The following ANKFN1 variants were observed in gnomAD, a reference collection of about 807,000 sequenced individuals.
The protein encoded by ANKFN1 is ankyrin repeat and fibronectin type III domain containing 1.
ANKFN1 carries 74 observed loss-of-function variants against 108.7 expected under a neutral mutation model. The ratio of observed to expected loss-of-function variants is 0.68; its 90% CI spans 0.56 to 0.83. The LOEUF (loss-of-function observed/expected upper bound fraction) is 0.83. ANKFN1 is among the 40% of genes least tolerant of loss of function. The pLI is 0.00. For synonymous variants in ANKFN1, 547 were observed against 516.2 expected (o/e 1.06, Z -0.81); for missense variants, 1,505 against 1,382.3 (o/e 1.09, Z -1.41).
At chr17:56,422,392 C>A (rs1031754895) in intron 8 of ANKFN1, among the ~76,000 whole-genome samples, 4 of 151,704 alleles carry the variant, frequency 2.6e-5, no homozygotes, top group Non-Finnish European at 4.4e-5. Flanking sequence ...CTTCATTCTC[C>A]AGTCCCAGGC....
At position 56,163,945 on chromosome 17, in the gene ANKFN1, G is replaced by A. The variant is rs540136814; in HGVS notation, c.-71+10415G>A. Among the ~76,000 whole-genome samples the A allele has an allele frequency of 2.6e-5, 4 of 152,244 alleles. No individual in the cohort carries two copies. In the South Asian group the frequency reaches 8.3e-4, roughly 32 times the overall value. Reference sequence around the variant, plus strand: ...AGGCGTAATGTGATGTGTTTTGTGTGGTGTGTGTATTTTGGTGTTTGTACA... The same window carrying A: ...AGGCGTAATGTGATGTGTTTTGTGTAGTGTGTGTATTTTGGTGTTTGTACA... On this transcript the variant is annotated intron_variant, in intron 1 of 20. Coordinates refer to ENST00000682825, the MANE Select transcript of ANKFN1 (RefSeq NM_001370326.1).
At chr17:56,183,734 C>G (rs113651963) in intron 1 of ANKFN1, among the ~76,000 whole-genome samples, 14 of 152,166 alleles carry the variant, frequency 9.2e-5, no homozygotes, top group Non-Finnish European at 1.8e-4. Context: ...CTATACATTA[C>G]CCAGTCTCAG....
chr17:56,116,478 C>T (rs368514564), intron 4 of ANKFN1, among the ~76,000 whole-genome samples: 50 of 152,228 alleles, frequency 3.3e-4, no homozygotes, highest in African/African-American at 1.1e-3. Flanking sequence ...ATTATGGGGG[C>T]AGATCCCTCA....
chr17:56,197,005 T>C (rs1314104710), intron 1 of ANKFN1, among the ~76,000 whole-genome samples: 1 of 152,224 alleles, frequency 6.6e-6, no homozygotes, highest in Non-Finnish European at 1.5e-5. Flanking sequence ...TATTGGATAT[T>C]TCCTAGTACT....
chr17:56,187,807 T>C (rs1373617118), intron 1 of ANKFN1, among the ~76,000 whole-genome samples: 8 of 152,056 alleles, frequency 5.3e-5, no homozygotes, highest in African/African-American at 1.9e-4. Context: ...CTGGAAACCA[T>C]CATTCTGAGC....
intron 3 of ANKFN1, among the ~76,000 whole-genome samples, chr17:56,315,622 G>C (rs562133481): frequency 6.6e-6 from 1 of 152,190 alleles, no homozygotes; most frequent in Non-Finnish European, 1.5e-5. Flanking sequence ...CATCCAGTAG[G>C]TTTCACAATG....
intron 3 of ANKFN1, among the ~76,000 whole-genome samples, chr17:56,284,546 G>A (rs1258210067): frequency 6.6e-6 from 1 of 152,134 alleles, no homozygotes; most frequent in Non-Finnish European, 1.5e-5. Context: ...GGAAAGCACA[G>A]CTCAAAACAA....
At chr17:56,395,169 T>C (rs959292327) in intron 8 of ANKFN1, among the ~76,000 whole-genome samples, 1 of 152,164 alleles carries the variant, frequency 6.6e-6, no homozygotes. Flanking sequence ...ATCTTGAATT[T>C]TGAAGAAATT....
intron 3 of ANKFN1, among the ~76,000 whole-genome samples, chr17:56,228,745 G>A (rs1312007469): frequency 2.0e-5 from 3 of 152,052 alleles, no homozygotes; most frequent in Non-Finnish European, 4.4e-5. Flanking sequence ...TCAAAATGTA[G>A]TAAGTTGCTT....
chr17:56,453,215 C>A (rs1402220705), intron 11 of ANKFN1, among the ~76,000 whole-genome samples: 2 of 152,028 alleles, frequency 1.3e-5, no homozygotes, highest in East Asian at 3.9e-4. Flanking sequence ...TTTACCCCAC[C>A]CCTCCCTTAT....
intron 8 of ANKFN1, among the ~76,000 whole-genome samples, chr17:56,435,569 G>A (rs1024742221): frequency 2.3e-4 from 35 of 152,144 alleles, no homozygotes; most frequent in African/African-American, 8.0e-4. Flanking sequence ...CAATGGCTGG[G>A]TCTAAGGGCA....
chr17:56,272,300 ACTC>A (rs1243810902), intron 3 of ANKFN1, among the ~76,000 whole-genome samples: 1 of 151,882 alleles, frequency 6.6e-6, no homozygotes, highest in East Asian at 1.9e-4. Context: ...TTAAACAACA[ACTC>A]CTTGTTTCCT....
At chr17:56,434,691 T>G (rs1363159740) in intron 8 of ANKFN1, among the ~76,000 whole-genome samples, 1 of 152,130 alleles carries the variant, frequency 6.6e-6, no homozygotes. Flanking sequence ...AACCCACAAG[T>G]GTTGAGCGGG....
At chr17:56,210,523 C>G (rs569051834) in intron 1 of ANKFN1, among the ~76,000 whole-genome samples, 1 of 152,146 alleles carries the variant, frequency 6.6e-6, no homozygotes, top group South Asian at 2.1e-4. Flanking sequence ...TGTTTGTTGG[C>G]CATTTGTATA....
intron 4 of ANKFN1, among the ~76,000 whole-genome samples, chr17:56,055,811 A>C (rs912214535): frequency 4.0e-5 from 6 of 151,400 alleles, no homozygotes; most frequent in Non-Finnish European, 7.4e-5. Flanking sequence ...ACTGTTTTCC[A>C]TAGAGGTTGA....
chr17:56,298,921 C>G (rs185267892), intron 3 of ANKFN1, among the ~76,000 whole-genome samples: 3 of 152,230 alleles, frequency 2.0e-5, no homozygotes, highest in South Asian at 4.2e-4. Flanking sequence ...AAGATACAGC[C>G]AATATCACAT....
chr17:56,404,525 C>G (rs9914223), intron 8 of ANKFN1, among the ~76,000 whole-genome samples: 1 of 152,100 alleles, frequency 6.6e-6, no homozygotes, highest in Non-Finnish European at 1.5e-5. Context: ...GTTTTTTCTT[C>G]AAGCGATCTA....
At chr17:56,456,401 C>CTTTTT (rs397713657) in intron 11 of ANKFN1, among the ~76,000 whole-genome samples, 8 of 115,492 alleles carry the variant, frequency 6.9e-5, no homozygotes, top group Non-Finnish European at 1.0e-4. Flanking sequence ...CTTTTTTTCT[C>CTTTTT]TTTTTTTTTT....
At chr17:56,278,777 A>T (rs2043998972) in intron 3 of ANKFN1, among the ~76,000 whole-genome samples, 1 of 152,242 alleles carries the variant, frequency 6.6e-6, no homozygotes. Flanking sequence ...AATAATCAAA[A>T]ACAAAGCCTA....
Sources: gnomAD v4.1 joint callset for allele counts (sites outside exome capture counted in the v4.1 genomes callset) on GRCh38, gnomAD v4.1.1 for gene constraint, MANE v1.5 for transcripts, NCBI Gene and HGNC (gene_info 2026-07-23, HGNC 2026-07-21) for gene names.